GRIK4: variants seen among roughly 807,000 people sequenced by gnomAD.
GRIK4 encodes glutamate receptor ionotropic, kainate 4.
GRIK4 carries 40 observed loss-of-function variants against 104.9 expected under a neutral mutation model. That is an observed-to-expected ratio of 0.38 (90% CI 0.30 to 0.50). The LOEUF is 0.50. Among genes scored for constraint, GRIK4 ranks in the 20% least tolerant of loss-of-function variants. The pLI is 0.93. For synonymous variants in GRIK4, 485 were observed against 524.9 expected (o/e 0.92, Z 1.04); for missense variants, 1,047 against 1,308.1 (o/e 0.80, Z 3.08).
intron 7 of GRIK4, among the ~76,000 whole-genome samples, chr11:120,833,830 A>G (rs1258391652): frequency 1.3e-5 from 2 of 152,172 alleles, no homozygotes; most frequent in Non-Finnish European, 2.9e-5. Flanking sequence ...GTCATACTGC[A>G]CAAACTTTTC....
At chr11:120,906,405 T>G (rs1942867538) in intron 13 of GRIK4, among the ~76,000 whole-genome samples, 1 of 152,192 alleles carries the variant, frequency 6.6e-6, no homozygotes, top group Admixed American at 6.5e-5. Flanking sequence ...GTGCAAGGTG[T>G]TTTACATGCA....
At chr11:120,862,907 C>A (rs1954300370) in intron 9 of GRIK4, among the ~76,000 whole-genome samples, 1 of 152,198 alleles carries the variant, frequency 6.6e-6, no homozygotes, top group African/African-American at 2.4e-5. Context: ...CATGAGGCAG[C>A]CCTTGTGATG....
intron 3 of GRIK4, among the ~76,000 whole-genome samples, chr11:120,765,222 A>G (rs1455297288): frequency 3.3e-5 from 5 of 150,874 alleles, no homozygotes; most frequent in African/African-American, 1.2e-4. Context: ...TCAATCTCTG[A>G]TATCCTTTCT....
intron 1 of GRIK4, among the ~76,000 whole-genome samples, chr11:120,523,690 G>A (rs770182578): frequency 6.6e-6 from 1 of 152,108 alleles, no homozygotes; most frequent in Non-Finnish European, 1.5e-5. Context: ...GGTGTTGCCC[G>A]GGTCTGCCTT....
Position 120,782,540 on chromosome 11 carries a change from C to T in GRIK4, c.83-20153C>T, listed in dbSNP as rs546334080. 2.6e-4 allele frequency among the ~76,000 whole-genome samples: 39 copies of T among 152,296 alleles called. No homozygotes were observed. In the South Asian group the frequency reaches 5.6e-3, roughly 22 times the overall value. Reference sequence around the variant, plus strand: ...GACCTTGTGATCTGCCTGCCTTGGCCTCCCAAAGTGCTGGGATTACAGGCA... The same window carrying T: ...GACCTTGTGATCTGCCTGCCTTGGCTTCCCAAAGTGCTGGGATTACAGGCA... On this transcript the variant is annotated intron_variant, in intron 3 of 20. Coordinates refer to ENST00000527524, the MANE Select transcript of GRIK4 (RefSeq NM_014619.5).
At chr11:120,544,520 G>C (rs1394378886) in intron 1 of GRIK4, among the ~76,000 whole-genome samples, 1 of 152,064 alleles carries the variant, frequency 6.6e-6, no homozygotes, top group Non-Finnish European at 1.5e-5. Context: ...TAGTAGAGCC[G>C]GGGTTTCACC....
chr11:120,822,016 T>C (rs910693557), intron 6 of GRIK4, among the ~76,000 whole-genome samples: 17 of 151,718 alleles, frequency 1.1e-4, no homozygotes, highest in Non-Finnish European at 1.6e-4. Context: ...TTGAGACCAG[T>C]CTGGCCAATG....
At chr11:120,985,622 A>G (rs1017800788) in intron 20 of GRIK4, among the ~76,000 whole-genome samples, 2 of 110,570 alleles carry the variant, frequency 1.8e-5, no homozygotes, top group African/African-American at 3.1e-5. Flanking sequence ...TTTAATGGAA[A>G]TGTGCAAAAA....
At chr11:120,856,131 A>G (rs1443200822) in intron 8 of GRIK4, among the ~76,000 whole-genome samples, 1 of 152,244 alleles carries the variant, frequency 6.6e-6, no homozygotes, top group Non-Finnish European at 1.5e-5. Flanking sequence ...GGCACTTCTC[A>G]TGGATTACCT....
intron 18 of GRIK4, among the ~76,000 whole-genome samples, chr11:120,965,612 A>G (rs1012607901): frequency 6.6e-6 from 1 of 152,218 alleles, no homozygotes; most frequent in African/African-American, 2.4e-5. Flanking sequence ...TTGGGCGTCC[A>G]AGCATAGTTG....
chr11:120,758,405 C>T (rs980440258), intron 3 of GRIK4, among the ~76,000 whole-genome samples: 6 of 152,070 alleles, frequency 3.9e-5, no homozygotes, highest in African/African-American at 1.4e-4. Flanking sequence ...TCTAGAGTCT[C>T]GTAAGATGCT....
intron 13 of GRIK4, among the ~76,000 whole-genome samples, chr11:120,937,148 C>T (rs1394711471): frequency 2.0e-5 from 3 of 152,186 alleles, no homozygotes; most frequent in Non-Finnish European, 2.9e-5. Context: ...AGTGATTCTC[C>T]CTGTCTCAGC....
chr11:120,755,268 A>T (rs958745896), intron 3 of GRIK4, among the ~76,000 whole-genome samples: 3 of 152,114 alleles, frequency 2.0e-5, no homozygotes, highest in African/African-American at 7.2e-5. Flanking sequence ...CTGAGCGCTA[A>T]TGGCAGAGCC....
At chr11:120,798,611 C>T (rs1952566890) in intron 3 of GRIK4, among the ~76,000 whole-genome samples, 1 of 152,184 alleles carries the variant, frequency 6.6e-6, no homozygotes, top group Non-Finnish European at 1.5e-5. Context: ...TCCCCAGTAG[C>T]TGGGATTACA....
chr11:120,847,401 G>A (rs1035594012), intron 8 of GRIK4, among the ~76,000 whole-genome samples: 1 of 152,216 alleles, frequency 6.6e-6, no homozygotes, highest in Non-Finnish European at 1.5e-5. Flanking sequence ...GTTCAATAAA[G>A]TGATGAAGAT....
intron 9 of GRIK4, among the ~76,000 whole-genome samples, chr11:120,867,363 G>A (rs1018188326): frequency 6.6e-6 from 1 of 152,098 alleles, no homozygotes; most frequent in African/African-American, 2.4e-5. Flanking sequence ...CAGGAAAAAA[G>A]CCTGGTTCTG....
At chr11:120,931,647 A>G (rs1401510133) in intron 13 of GRIK4, among the ~76,000 whole-genome samples, 2 of 152,208 alleles carry the variant, frequency 1.3e-5, no homozygotes, top group Non-Finnish European at 2.9e-5. Context: ...CATCTGTTAA[A>G]TAAGGATAAT....
At chr11:120,666,275 A>G (rs899455178) in intron 3 of GRIK4, among the ~76,000 whole-genome samples, 3 of 152,206 alleles carry the variant, frequency 2.0e-5, no homozygotes, top group African/African-American at 4.8e-5. Flanking sequence ...GACTTCCCCA[A>G]GCTTGCATAG....
At chr11:120,558,573 G>A (rs1158860920) in intron 1 of GRIK4, among the ~76,000 whole-genome samples, 2 of 152,220 alleles carry the variant, frequency 1.3e-5, no homozygotes, top group African/African-American at 4.8e-5. Context: ...GGGCGACAGA[G>A]CGAGACTCCG....
Sources: gnomAD v4.1 joint callset for allele counts (sites outside exome capture counted in the v4.1 genomes callset) on GRCh38, gnomAD v4.1.1 for gene constraint, MANE v1.5 for transcripts, NCBI Gene and HGNC (gene_info 2026-07-23, HGNC 2026-07-21) for gene names.